The following CMC2 variants were observed in gnomAD, a reference collection of about 807,000 sequenced individuals.
CMC2 encodes the protein COX assembly mitochondrial protein 2 homolog.
Under a neutral mutation model 7.5 loss-of-function variants are expected in CMC2, and 5 were observed. The ratio of observed to expected loss-of-function variants is 0.66; its 90% CI spans 0.35 to 1.40. CMC2 has a LOEUF of 1.40. CMC2 is among the 40% of genes most tolerant of loss of function. The pLI is 0.04. For synonymous variants in CMC2, 37 were observed against 31.4 expected, an observed-to-expected ratio of 1.18 and a Z score of -0.60; for missense variants, 115 against 92.3, an observed-to-expected ratio of 1.25 and a Z score of -1.01.
intron 2 of CMC2, among the ~76,000 whole-genome samples, chr16:80,993,734 T>C (rs1382054157): frequency 6.6e-6 from 1 of 152,134 alleles, no homozygotes; most frequent in African/African-American, 2.4e-5. Context: ...CCTAAAAATA[T>C]GTAAAAACAC....
At chr16:80,992,070 T>A in intron 2 of CMC2, 1 of 382,156 alleles carries the variant, frequency 2.6e-6, no homozygotes, top group Non-Finnish European at 5.3e-6. Context: ...AACAAACACC[T>A]TATCAATGTA....
In CMC2 at chr16:80,968,697, T is replaced by C. The variant is rs1222993442; in HGVS notation, c.*7396A>G. 1 of 152,136 alleles carries C rather than the reference T, an allele frequency of 6.6e-6. No homozygotes were observed. Among genetic ancestry groups the C allele is most frequent in the East Asian group, 1.9e-4 (1 of 5,188 alleles). The allele number at this position is 152,136 out of a possible 1,614,324, so 9.4% of individuals were successfully genotyped here. ...CTGCTAAAAAGCTATCTACAAATACTAGATAGCATATATCAAATATAGTTT... is the reference window on the plus strand; with the variant it reads ...CTGCTAAAAAGCTATCTACAAATACCAGATAGCATATATCAAATATAGTTT... On this transcript the variant is annotated 3_prime_UTR_variant, in exon 4 of 4. Transcript: ENST00000219400.
Position 80,974,790 on chromosome 16 carries a change from A to G in CMC2, c.*1303T>C, listed in dbSNP as rs1389994870. 6.6e-6 allele frequency: 1 copy of G among 152,238 alleles called. No homozygotes were observed. The highest frequency in any genetic ancestry group is 1.9e-4 in the East Asian group (1 of 5,196). The allele number at this position is 152,238 out of a possible 1,614,324, so 9.4% of individuals were successfully genotyped here. Reference sequence around the variant, plus strand: ...TACTGCCTGACACTAGGGGGACTGAATAAATATTCATACACTTTGTCTTGG... The same window carrying G: ...TACTGCCTGACACTAGGGGGACTGAGTAAATATTCATACACTTTGTCTTGG... On this transcript the variant is annotated 3_prime_UTR_variant, in exon 4 of 4. Coordinates refer to ENST00000219400, the MANE Select transcript of CMC2 (RefSeq NM_020188.5).
Position 80,974,444 on chromosome 16 carries a change from T to C in CMC2, c.*1649A>G, listed in dbSNP as rs1912134880. On this transcript the variant is annotated 3_prime_UTR_variant, in exon 4 of 4. Transcript: ENST00000219400. ...CCATATTAAAACCTGCAACTGGTCATCACAGCACTGAAAATAAAATTCCAA... is the reference window on the plus strand; with the variant it reads ...CCATATTAAAACCTGCAACTGGTCACCACAGCACTGAAAATAAAATTCCAA... 1 of 152,210 alleles carries C rather than the reference T, an allele frequency of 6.6e-6. No homozygotes were observed. Among genetic ancestry groups the C allele is most frequent in the Non-Finnish European group, 1.5e-5 (1 of 68,046 alleles). The allele number at this position is 152,210 out of a possible 1,614,324, so 9.4% of individuals were successfully genotyped here. A position where few individuals can be genotyped will look rare whatever the true frequency, so the allele number is the denominator to read the frequency against.
intron 1 of CMC2, 35 bp downstream of exon 1, chr16:81,006,699 A>ACC: frequency 1.0e-6 from 1 of 985,030 alleles, no homozygotes; most frequent in Non-Finnish European, 1.2e-6. Context: ...GAACAACGGA[A>ACC]CGCGTTCGGA....
chr16:80,991,491 A>G (rs1428023918), intron 2 of CMC2, among the ~76,000 whole-genome samples: 1 of 151,998 alleles, frequency 6.6e-6, no homozygotes, highest in East Asian at 1.9e-4. Context: ...AAATACAAAA[A>G]ATTATTCGAG....
chr16:80,983,319 A>G (rs1967274412), intron 2 of CMC2: 1 of 152,250 alleles, frequency 6.6e-6, no homozygotes, highest in Non-Finnish European at 1.5e-5. Flanking sequence ...AGGATCAACT[A>G]TACAAATGAA....
At chr16:80,992,975 C>T (rs1320616926) in intron 2 of CMC2, among the ~76,000 whole-genome samples, 4 of 151,938 alleles carry the variant, frequency 2.6e-5, no homozygotes, top group Admixed American at 6.6e-5. Context: ...AATTCAGGGT[C>T]CTTACTTAGG....
chr16:80,979,670 G>C (rs958623523), intron 3 of CMC2, among the ~76,000 whole-genome samples: 1 of 151,082 alleles, frequency 6.6e-6, no homozygotes, highest in East Asian at 1.9e-4. Context: ...ACCCAGGCTA[G>C]AATGCAGTAA....
intron 2 of CMC2, among the ~76,000 whole-genome samples, chr16:80,985,156 C>A (rs1028482089): frequency 2.0e-5 from 3 of 152,100 alleles, no homozygotes; most frequent in African/African-American, 4.8e-5. Context: ...GAAGTCACTG[C>A]CATAAAGCAG....
In CMC2 at chr16:80,968,544, G is replaced by C. The variant is rs1247661537; in HGVS notation, c.*7549C>G. On this transcript the variant is annotated 3_prime_UTR_variant, in exon 4 of 4. Transcript: ENST00000219400. ...ACTCCCATCCTCCCCCCATCTTCTA[G>C]GAATGAGTTAGTTCTCTAACTGTTG... 6.6e-6 allele frequency: 1 copy of C among 152,146 alleles called. No individual in the cohort carries two copies. The highest frequency in any genetic ancestry group is 2.4e-5 in the African/African-American group (1 of 41,410). 9.4% of individuals were successfully genotyped at this position (152,146 alleles called of 1,614,324 possible).
intron 3 of CMC2, 104 bp from the exon 4 acceptor site, chr16:80,976,283 G>T: frequency 3.2e-6 from 2 of 616,918 alleles, no homozygotes; most frequent in South Asian, 2.1e-5. Flanking sequence ...TGTCCTTTGA[G>T]GTTAACAGGG....
intron 2 of CMC2, among the ~76,000 whole-genome samples, chr16:80,987,610 C>A: frequency 6.6e-6 from 1 of 152,182 alleles, no homozygotes; most frequent in Non-Finnish European, 1.5e-5. Context: ...AAGCCACCCA[C>A]AGACACCTGA....
In CMC2 at chr16:80,972,518, T is replaced by C. The variant is rs557862480; in HGVS notation, c.*3575A>G. The C allele has an allele frequency of 2.0e-5, 3 of 152,324 alleles. No individual in the cohort carries two copies. The highest frequency in any genetic ancestry group is 2.0e-4 in the Admixed American group (3 of 15,300). The allele number at this position is 152,324 out of a possible 1,614,324, so 9.4% of individuals were successfully genotyped here. ...ATGGAGATTAATCTGATCTTAAACT[T>C]CATTTATAAAAGGTGAGAAACAGCT... is the stretch of plus-strand genomic sequence containing the variant. On this transcript the variant is annotated 3_prime_UTR_variant, in exon 4 of 4. Transcript: ENST00000219400.
intron 3 of CMC2, among the ~76,000 whole-genome samples, chr16:80,977,896 A>G (rs1371122930): frequency 6.6e-6 from 1 of 152,096 alleles, no homozygotes; most frequent in Non-Finnish European, 1.5e-5. Flanking sequence ...ACATGGTGAA[A>G]CCCCGTCTCT....
intron 2 of CMC2, among the ~76,000 whole-genome samples, chr16:80,985,095 G>C (rs1328310164): frequency 2.0e-5 from 3 of 152,176 alleles, no homozygotes; most frequent in Admixed American, 1.3e-4. Context: ...GAGCAAGGTG[G>C]ATCTGGGTCC....
At position 80,967,849 on chromosome 16, in the gene CMC2, G is replaced by C. The variant is rs8045504; in HGVS notation, c.*8244C>G. ...AAAAAGTAAATGCCCTGAGAATTTC[G>C]TAACAGCTTTGCCCTTAAGATTTTG... On this transcript the variant is annotated 3_prime_UTR_variant, in exon 4 of 4. Transcript: ENST00000219400. 1 of 152,008 alleles carries C rather than the reference G, an allele frequency of 6.6e-6. No homozygotes were observed. Among genetic ancestry groups the C allele is most frequent in the Non-Finnish European group, 1.5e-5 (1 of 68,006 alleles). 9.4% of individuals were successfully genotyped at this position (152,008 alleles called of 1,614,324 possible).
chr16:80,986,350 A>G (rs796072963), intron 2 of CMC2, among the ~76,000 whole-genome samples: 28 of 152,288 alleles, frequency 1.8e-4, no homozygotes, highest in African/African-American at 6.7e-4. Flanking sequence ...ACTCTGCCTC[A>G]AAACTAACTA....
In CMC2 at chr16:80,968,864, C is replaced by G. The variant is rs1193652298; in HGVS notation, c.*7229G>C. 1 of 152,184 alleles carries G rather than the reference C, an allele frequency of 6.6e-6. No homozygotes were observed. Among genetic ancestry groups the G allele is most frequent in the Non-Finnish European group, 1.5e-5 (1 of 68,048 alleles). The allele number at this position is 152,184 out of a possible 1,614,324, so 9.4% of individuals were successfully genotyped here. Reference sequence around the variant, plus strand: ...TCCAGGTACCAGGAAGTGAGGTTTTCATAAACACAATGGAAAAAGATGGAA... The same window carrying G: ...TCCAGGTACCAGGAAGTGAGGTTTTGATAAACACAATGGAAAAAGATGGAA... On this transcript the variant is annotated 3_prime_UTR_variant, in exon 4 of 4. Coordinates refer to ENST00000219400, the MANE Select transcript of CMC2 (RefSeq NM_020188.5).
Sources: gnomAD v4.1 joint callset for allele counts (sites outside exome capture counted in the v4.1 genomes callset) on GRCh38, gnomAD v4.1.1 for gene constraint, MANE v1.5 for transcripts, NCBI Gene and HGNC (gene_info 2026-07-23, HGNC 2026-07-21) for gene names.